The following STEAP2 variants were observed in gnomAD, a reference collection of about 807,000 sequenced individuals.
STEAP2 encodes the protein STEAP2 metalloreductase.
A neutral mutation model predicts 46.4 loss-of-function variants in STEAP2; 30 were observed. That is an observed-to-expected ratio of 0.65 (90% CI 0.48 to 0.88). STEAP2 has a LOEUF of 0.88. Among genes scored for constraint, STEAP2 ranks in the 40% least tolerant of loss-of-function variants. The pLI is 0.00. For missense variants in STEAP2, 513 were observed against 579.3 expected, an observed-to-expected ratio of 0.89 and a Z score of 1.18; for synonymous variants, 180 against 200.5, an observed-to-expected ratio of 0.90 and a Z score of 0.86.
intron 5 of STEAP2, among the ~76,000 whole-genome samples, chr7:90,231,749 T>C (rs1004809017): frequency 2.0e-5 from 3 of 152,056 alleles, no homozygotes; most frequent in Non-Finnish European, 4.4e-5. Context: ...CACACACACA[T>C]ACATACACAT....
intron 3 of STEAP2, 95 bp from the exon 4 acceptor site, chr7:90,226,876 G>T: frequency 1.7e-6 from 2 of 1,209,048 alleles, no homozygotes; most frequent in Non-Finnish European, 2.3e-6. Context: ...ATTCCTCAAG[G>T]TCATCACAGG....
chr7:90,242,018 G>A (rs149873003), downstream of STEAP2, among the ~76,000 whole-genome samples: 374 of 152,288 alleles, frequency 2.5e-3, no homozygotes, highest in African/African-American at 8.5e-3. Context: ...GCTGTGGGGT[G>A]TTTGAAGACT....
downstream of STEAP2, chr7:90,237,960 G>C (rs1796010124): frequency 7.6e-6 from 5 of 656,812 alleles, no homozygotes; most frequent in Non-Finnish European, 1.4e-5. Context: ...AGTATAATGT[G>C]ATCTATGATG....
chr7:90,217,946 T>G (rs1795096933), intron 2 of STEAP2, among the ~76,000 whole-genome samples: 1 of 152,216 alleles, frequency 6.6e-6, no homozygotes, highest in African/African-American at 2.4e-5. Context: ...ATTTTTCTCT[T>G]TTAATAATAG....
chr7:90,238,219 C>T (rs1796015292), downstream of STEAP2: 3 of 702,292 alleles, frequency 4.3e-6, no homozygotes, highest in Non-Finnish European at 8.0e-6. Flanking sequence ...AGTAACTGAC[C>T]TTTGTGCCTG....
chr7:90,233,628 T>C lies in STEAP2; in HGVS notation c.*1004T>C. The C allele has an allele frequency of 1.1e-6, 1 of 875,936 alleles. No individual in the cohort carries two copies. Among genetic ancestry groups the C allele is most frequent in the African/African-American group, 1.8e-5 (1 of 54,976 alleles). The allele number at this position is 875,936 out of a possible 1,614,324, so 54.3% of individuals were successfully genotyped here. A position where few individuals can be genotyped will look rare whatever the true frequency, so the allele number is the denominator to read the frequency against. Reference sequence around the variant, plus strand: ...ACAACCCCGTGAGATAAGTAGTTATTATCCTCATTTTACACATGAGGGACC... The same window carrying C: ...ACAACCCCGTGAGATAAGTAGTTATCATCCTCATTTTACACATGAGGGACC... On this transcript the variant is annotated 3_prime_UTR_variant, in exon 6 of 6. Coordinates refer to ENST00000394621, the MANE Select transcript of STEAP2 (RefSeq NM_001244944.2).
At chr7:90,239,224 T>G (rs933676939), downstream of STEAP2, among the ~76,000 whole-genome samples, 68 of 152,190 alleles carry the variant, frequency 4.5e-4, no homozygotes, top group African/African-American at 1.6e-3. Flanking sequence ...ACTGGTGTCC[T>G]CATAAGAAGA....
intron 2 of STEAP2, among the ~76,000 whole-genome samples, chr7:90,224,609 AG>A (rs1795399945): frequency 6.6e-6 from 1 of 152,188 alleles, no homozygotes; most frequent in Non-Finnish European, 1.5e-5. Context: ...TCCTGGGCTA[AG>A]CCCCCATTTG....
At chr7:90,212,918 T>A (rs73707420) in intron 1 of STEAP2, among the ~76,000 whole-genome samples, 5,101 of 141,778 alleles carry the variant, frequency 0.036, 234 homozygotes, top group South Asian at 0.12. Context: ...CACCTCCCCA[T>A]CCTTCCTTTT....
Position 90,232,441 on chromosome 7 carries a change from A to C in STEAP2, c.1290A>C (p.Pro430=). The C allele has an allele frequency of 2.5e-6, 4 of 1,613,782 alleles. No individual in the cohort carries two copies. The South Asian group carries it at 4.4e-5, about 18-fold the overall frequency. The change falls in exon 6 of 6, where the codon CCA becomes CCC. Residue 430 remains proline (P), a synonymous_variant. Transcript: ENST00000394621. ...AGTACTACAGATTTTATACACCACC[A>C]AACTTTGTTCTTGCTCTTGTTTTGC... ...EEEYYRFYTP[P]NFVLALVLPS...
At chr7:90,232,273 A>G in intron 5 of STEAP2, 64 bp from the exon 6 acceptor site, 1 of 1,453,072 alleles carries the variant, frequency 6.9e-7, no homozygotes. Context: ...TGATAGTTTA[A>G]TTTATGAGTT....
chr7:90,231,682 A>G (rs1795755356), intron 5 of STEAP2, among the ~76,000 whole-genome samples: 1 of 152,072 alleles, frequency 6.6e-6, no homozygotes, highest in South Asian at 2.1e-4. Context: ...TATGCAGTCC[A>G]TAGTTGACCA....
rs143860216 is a variant in STEAP2 at position 90,228,628 on chromosome 7, T to C, written c.1020+1130T>C. Among the ~76,000 whole-genome samples the C allele has an allele frequency of 8.4e-3, 1,285 of 152,232 alleles. 6 individuals are homozygous for C. The highest frequency in any genetic ancestry group is 0.015 in the South Asian group (70 of 4,826). ...TAACACTTACCATCTTCTAACACAC[T>C]TGATTTCCATGTTAAAAATACATTT... On this transcript the variant is annotated intron_variant, in intron 4 of 5. Transcript: ENST00000394621.
At chr7:90,227,670 A>G (rs189600351) in intron 4 of STEAP2, among the ~76,000 whole-genome samples, 172 bp downstream of exon 4, 227 of 152,310 alleles carry the variant, frequency 1.5e-3, no homozygotes, top group Middle Eastern at 6.8e-3. Context: ...TAGGTGGCTA[A>G]TTCAAAATTA....
chr7:90,217,620 T>G (rs1795075732), intron 2 of STEAP2, among the ~76,000 whole-genome samples: 1 of 151,218 alleles, frequency 6.6e-6, no homozygotes, highest in Non-Finnish European at 1.5e-5. Context: ...AATATTTCAT[T>G]GTGTATACAT....
chr7:90,232,420 C>T lies in STEAP2; in HGVS notation c.1269C>T (p.Tyr423=). 1 of 1,613,630 alleles carries T rather than the reference C, an allele frequency of 6.2e-7. No individual in the cohort carries two copies. The highest frequency in any genetic ancestry group is 1.1e-5 in the South Asian group (1 of 91,036). ...GGAAACGAGCTTTTGAGGAAGAGTA[C>T]TACAGATTTTATACACCACCAAACT... The part of the protein sequence containing the change: ...YGWKRAFEEE[Y]YRFYTPPNFV... The change falls in exon 6 of 6, where the codon TAC becomes TAT. Residue 423 remains tyrosine, a synonymous_variant. Transcript: ENST00000394621.
At chr7:90,225,660 T>G in intron 3 of STEAP2, 86 bp downstream of exon 3, 11 of 1,362,804 alleles carry the variant, frequency 8.1e-6, no homozygotes, top group Non-Finnish European at 1.1e-5. Flanking sequence ...AATACCAAAC[T>G]CTGACACTTT....
At chr7:90,238,710 T>C (rs534460959), downstream of STEAP2, among the ~76,000 whole-genome samples, 1 of 152,238 alleles carries the variant, frequency 6.6e-6, no homozygotes, top group East Asian at 1.9e-4. Context: ...AGGTGAGTGT[T>C]GGTGTTGTTT....
downstream of STEAP2, among the ~76,000 whole-genome samples, chr7:90,241,581 T>C (rs1796061839): frequency 3.3e-5 from 5 of 152,346 alleles, no homozygotes; most frequent in South Asian, 1.0e-3. Flanking sequence ...GCACATATCC[T>C]TGGGCCTCAC....
Sources: gnomAD v4.1 joint callset for allele counts (sites outside exome capture counted in the v4.1 genomes callset) on GRCh38, gnomAD v4.1.1 for gene constraint, MANE v1.5 for transcripts, NCBI Gene and HGNC (gene_info 2026-07-23, HGNC 2026-07-21) for gene names.